Variants in EDAR observed in about 807,000 individuals in gnomAD.
EDAR encodes tumor necrosis factor receptor superfamily member EDAR.
Under a neutral mutation model 51.3 loss-of-function variants are expected in EDAR, and 38 were observed. The observed-to-expected ratio is 0.74, with a 90% CI of 0.57 to 0.97. The LOEUF (loss-of-function observed/expected upper bound fraction) is 0.97. EDAR is among the 50% of genes least tolerant of loss of function. The probability of loss-of-function intolerance (pLI) is 0.00; values close to 1 mark genes in which losing one functional copy is unlikely to be tolerated. For synonymous variants in EDAR, 227 were observed against 242.1 expected (o/e 0.94, Z 0.58); for missense variants, 528 against 595.0 (o/e 0.89, Z 1.17).
rs563197086 is a variant in EDAR at position 108,974,911 on chromosome 2, C to T, written c.-19+14049G>A. Among the ~76,000 whole-genome samples the T allele has an allele frequency of 3.3e-5, 5 of 152,270 alleles. No homozygotes were observed. In the South Asian group the frequency reaches 1.0e-3, roughly 32 times the overall value. On this transcript the variant is annotated intron_variant, in intron 1 of 11. Transcript: ENST00000258443. ...GCAGTCTGCATGCTGGAGCTCTAGC[C>T]TTTCTGAGGTGTGCAGGGCTCTGGT...
intron 1 of EDAR, among the ~76,000 whole-genome samples, chr2:108,944,153 A>G (rs260712): frequency 0.32 from 48,682 of 152,046 alleles, 13,728 homozygotes; most frequent in East Asian, 0.94. Flanking sequence ...TCGCTCTGTC[A>G]GCCAGGCTGG....
chr2:108,966,793 G>A (rs1574409835), intron 1 of EDAR, among the ~76,000 whole-genome samples: 1 of 152,248 alleles, frequency 6.6e-6, no homozygotes, highest in Non-Finnish European at 1.5e-5. Context: ...ACAGTGGAGG[G>A]AGGATTGATT....
intron 1 of EDAR, among the ~76,000 whole-genome samples, chr2:108,937,134 A>G (rs544699637): frequency 6.6e-6 from 1 of 152,388 alleles, no homozygotes; most frequent in Non-Finnish European, 1.5e-5. Context: ...GTGACTGGCA[A>G]CAGAGCACAC....
intron 1 of EDAR, among the ~76,000 whole-genome samples, chr2:108,988,134 C>G (rs190336310): frequency 9.2e-5 from 14 of 152,200 alleles, no homozygotes; most frequent in African/African-American, 3.4e-4. Context: ...GCCCACTGAC[C>G]GGCATCTGCC....
In EDAR at chr2:108,917,015, G is replaced by T. The variant is rs137880970; in HGVS notation, c.443-4251C>A. Among the ~76,000 whole-genome samples the T allele has an allele frequency of 2.5e-3, 375 of 152,302 alleles. 4 individuals carry two copies. The highest frequency in any genetic ancestry group is 8.6e-3 in the African/African-American group (359 of 41,560). ...CTTCCTGACAATGGGCCTCTTCCCT[G>T]CGCTCGGAGCTCGGCAATAAGGAAT... On this transcript the variant is annotated intron_variant, in intron 5 of 11. Coordinates refer to ENST00000258443, the MANE Select transcript of EDAR (RefSeq NM_022336.4).
intron 11 of EDAR, among the ~76,000 whole-genome samples, chr2:108,900,570 AAAAC>A (rs1180309861): frequency 1.9e-4 from 17 of 91,590 alleles, no homozygotes; most frequent in African/African-American, 4.4e-4. Flanking sequence ...GAAAAAAAAA[AAAAC>A]AAAAAACCCA....
intron 1 of EDAR, among the ~76,000 whole-genome samples, chr2:108,940,770 T>G (rs1009275245): frequency 2.0e-5 from 3 of 152,254 alleles, no homozygotes; most frequent in African/African-American, 7.2e-5. Context: ...GAGAGTGGTG[T>G]TCTCAGACTC....
intron 1 of EDAR, among the ~76,000 whole-genome samples, chr2:108,950,109 T>A (rs1354365098): frequency 2.0e-5 from 3 of 152,106 alleles, no homozygotes; most frequent in Non-Finnish European, 4.4e-5. Flanking sequence ...GAAGAGTGAA[T>A]GCAGCACACA....
chr2:108,908,952 G>T (rs968026224), intron 9 of EDAR, among the ~76,000 whole-genome samples: 8 of 152,218 alleles, frequency 5.3e-5, no homozygotes, highest in African/African-American at 1.9e-4. Context: ...CAAGGAGGTG[G>T]TAGGACCCAT....
chr2:108,933,844 A>G (rs976942476), intron 1 of EDAR, among the ~76,000 whole-genome samples: 1 of 151,942 alleles, frequency 6.6e-6, no homozygotes, highest in East Asian at 2.0e-4. Flanking sequence ...AAAGGCCTGA[A>G]GGGGAACTGA....
At chr2:108,934,654 G>A (rs1292622925) in intron 1 of EDAR, among the ~76,000 whole-genome samples, 1 of 152,170 alleles carries the variant, frequency 6.6e-6, no homozygotes, top group Non-Finnish European at 1.5e-5. Context: ...ATATGGCAGA[G>A]GGCATCACAT....
chr2:108,912,973 G>C (rs979939847), intron 5 of EDAR, among the ~76,000 whole-genome samples: 10 of 150,606 alleles, frequency 6.6e-5, no homozygotes, highest in African/African-American at 2.4e-4. Context: ...TGGTGAGACG[G>C]AGTCTTGCTC....
intron 3 of EDAR, 55 bp from the exon 4 acceptor site, chr2:108,929,434 G>A (rs1697324113): frequency 2.5e-6 from 4 of 1,576,022 alleles, no homozygotes; most frequent in Non-Finnish European, 1.7e-6. Context: ...CAAACCATAC[G>A]GACTCGGCCC....
At chr2:108,954,405 C>T (rs187779126) in intron 1 of EDAR, among the ~76,000 whole-genome samples, 161 of 152,298 alleles carry the variant, frequency 1.1e-3, no homozygotes, top group African/African-American at 3.8e-3. Flanking sequence ...CCTACCTGCC[C>T]TCTCTCGCCC....
chr2:108,939,254 TGCAACCTCC>T, intron 1 of EDAR, among the ~76,000 whole-genome samples: 1 of 152,240 alleles, frequency 6.6e-6, no homozygotes, highest in South Asian at 2.1e-4. Context: ...CTCAGCTCAC[TGCAACCTCC>T]GCAACCTCCG....
chr2:108,919,200 C>G (rs554324587), intron 5 of EDAR, among the ~76,000 whole-genome samples: 1 of 152,096 alleles, frequency 6.6e-6, no homozygotes, highest in South Asian at 2.1e-4. Context: ...GAAGAGCATC[C>G]GGGCACAAGA....
intron 5 of EDAR, among the ~76,000 whole-genome samples, chr2:108,913,083 G>A (rs578262400): frequency 1.1e-4 from 17 of 151,754 alleles, no homozygotes; most frequent in Admixed American, 3.9e-4. Flanking sequence ...CAAGTAACTG[G>A]GACTACAGGC....
intron 1 of EDAR, among the ~76,000 whole-genome samples, chr2:108,939,178 TTTG>T (rs151291948): frequency 0.015 from 2,266 of 152,006 alleles, 28 homozygotes; most frequent in South Asian, 0.03. Flanking sequence ...CATCCTTCCA[TTTG>T]TTGTTGTTGT....
intron 1 of EDAR, among the ~76,000 whole-genome samples, chr2:108,932,977 C>T (rs1353113405): frequency 6.6e-6 from 1 of 152,186 alleles, no homozygotes; most frequent in African/African-American, 2.4e-5. Context: ...CACATGCCCT[C>T]GCTCCCGTAG....
Sources: allele counts gnomAD v4.1 joint callset (sites outside exome capture counted in the v4.1 genomes callset), GRCh38; gene constraint gnomAD v4.1.1; transcripts MANE v1.5; gene names NCBI Gene and HGNC (gene_info 2026-07-23, HGNC 2026-07-21).